STAM2: variants seen among roughly 807,000 people sequenced by gnomAD.
The protein encoded by STAM2 is signal transducing adapter molecule 2.
STAM2 carries 51 observed loss-of-function variants against 65.6 expected under a neutral mutation model. The observed-to-expected ratio is 0.78, with a 90% CI of 0.62 to 0.98. STAM2 has a LOEUF of 0.98. Among genes scored for constraint, STAM2 ranks in the 50% least tolerant of loss-of-function variants. The probability of loss-of-function intolerance (pLI) is 0.00; values close to 1 mark genes in which losing one functional copy is unlikely to be tolerated. For missense variants in STAM2, 584 were observed against 617.8 expected (o/e 0.95, Z 0.58); for synonymous variants, 198 against 208.4 (o/e 0.95, Z 0.43).
intron 5 of STAM2, among the ~76,000 whole-genome samples, chr2:152,145,933 T>C (rs1049097195): frequency 6.6e-6 from 1 of 152,142 alleles, no homozygotes; most frequent in Non-Finnish European, 1.5e-5. Context: ...AAGACTCTTA[T>C]CTCAAAACGT....
intron 1 of STAM2, among the ~76,000 whole-genome samples, chr2:152,173,406 A>ATATATGTATACATATATATATATT (rs1560227709): frequency 6.9e-6 from 1 of 145,224 alleles, no homozygotes; most frequent in African/African-American, 2.5e-5. Context: ...ATATATATAT[A>ATATATGTATACATATATATATATT]TTTTTTTTCG....
At chr2:152,121,831 T>A (rs1688858307) in intron 13 of STAM2, among the ~76,000 whole-genome samples, 1 of 151,778 alleles carries the variant, frequency 6.6e-6, no homozygotes, top group Non-Finnish European at 1.5e-5. Flanking sequence ...GATCACGAGG[T>A]CAGGAGATCG....
At chr2:152,124,537 T>C (rs905405689) in intron 12 of STAM2, 1 of 152,300 alleles carries the variant, frequency 6.6e-6, no homozygotes, top group Admixed American at 6.5e-5. Context: ...TTAGGTCTCT[T>C]TGGACATTTA....
intron 4 of STAM2, 79 bp downstream of exon 4, chr2:152,147,945 G>C (rs1320412397): frequency 1.1e-5 from 11 of 1,018,694 alleles, no homozygotes; most frequent in Non-Finnish European, 1.6e-5. Context: ...TAATACTTTA[G>C]TAATGCCACA....
intron 4 of STAM2, among the ~76,000 whole-genome samples, chr2:152,147,758 A>G (rs116112896): frequency 0.016 from 2,422 of 152,288 alleles, 83 homozygotes; most frequent in African/African-American, 0.055. Context: ...AGAGCATTCA[A>G]CAAGACAGTA....
At chr2:152,128,360 C>T (rs1689000120) in intron 11 of STAM2, among the ~76,000 whole-genome samples, 1 of 151,900 alleles carries the variant, frequency 6.6e-6, no homozygotes, top group Non-Finnish European at 1.5e-5. Flanking sequence ...TTACAGTGAG[C>T]CGAGATTGCA....
At chr2:152,173,333 T>A (rs1651289336) in intron 1 of STAM2, among the ~76,000 whole-genome samples, 1 of 128,106 alleles carries the variant, frequency 7.8e-6, no homozygotes, top group South Asian at 2.5e-4. Context: ...GCTTTGTGTA[T>A]GCGTGTGTGT....
rs777367213 is a variant in STAM2 at position 152,148,077 on chromosome 2, C to G, written c.247G>C (p.Glu83Gln). Residue 83 changes from glutamate (E) to glutamine (Q), a missense_variant, in exon 4 of 14, where the codon GAA becomes CAA. By Grantham distance (29) the Glu-to-Gln change is conservative (BLOSUM62 2). Transcript: ENST00000263904. The part of the protein sequence containing the change: ...VANCGKIFHL[E>Q]VCSRDFATEV... ...GTTGCAAAATCACGGGAACATACTT[C>G]TAAATGAAATATCTTTCCACAGTTT... The G allele has an allele frequency of 1.9e-6, 3 of 1,611,014 alleles. No homozygotes were observed. Among genetic ancestry groups the G allele is most frequent in the South Asian group, 2.2e-5 (2 of 90,252 alleles).
intron 8 of STAM2, among the ~76,000 whole-genome samples, chr2:152,134,564 T>C (rs563971289): frequency 5.5e-4 from 84 of 152,294 alleles, no homozygotes; most frequent in African/African-American, 1.4e-3. Context: ...TGAAGTTCTT[T>C]CTCCTGAACT....
At position 152,119,663 on chromosome 2, in the gene STAM2, A is replaced by AT. The variant is rs1300760863; in HGVS notation, c.*910dup. ...TTGCAGGAAGAAAAACAAATGGACC[A>AT]TATCTTCATTAGAGAATAGCCAAAA... On this transcript the variant is annotated 3_prime_UTR_variant, in exon 14 of 14. Coordinates refer to ENST00000263904, the MANE Select transcript of STAM2 (RefSeq NM_005843.6). The AT allele has an allele frequency of 6.6e-6, 1 of 152,240 alleles. No homozygotes were observed. Among genetic ancestry groups the AT allele is most frequent in the Non-Finnish European group, 1.5e-5 (1 of 68,032 alleles). 9.4% of individuals were successfully genotyped at this position (152,240 alleles called of 1,614,324 possible). A position where few individuals can be genotyped will look rare whatever the true frequency, so the allele number is the denominator to read the frequency against.
At chr2:152,158,841 T>C (rs1485132607) in intron 1 of STAM2, among the ~76,000 whole-genome samples, 1 of 151,952 alleles carries the variant, frequency 6.6e-6, no homozygotes, top group Non-Finnish European at 1.5e-5. Context: ...TAAGCCCTTT[T>C]TATTGCAGCA....
At chr2:152,161,494 TAA>T (rs10714838) in intron 1 of STAM2, among the ~76,000 whole-genome samples, 9,437 of 103,650 alleles carry the variant, frequency 0.091, 720 homozygotes, top group African/African-American at 0.26. Flanking sequence ...GAATGATCAA[TAA>T]AAAAAAAAAA....
chr2:152,171,420 T>G (rs926771349), intron 1 of STAM2, among the ~76,000 whole-genome samples: 2 of 90,814 alleles, frequency 2.2e-5, no homozygotes, highest in African/African-American at 7.2e-5. Context: ...TTAAAAAAAT[T>G]TTTACTTTTA....
intron 5 of STAM2, among the ~76,000 whole-genome samples, chr2:152,145,573 G>A (rs1030298459): frequency 6.6e-6 from 1 of 152,144 alleles, no homozygotes; most frequent in African/African-American, 2.4e-5. Flanking sequence ...TTGTATTCCC[G>A]ATCTCAATTG....
At chr2:152,159,927 C>T (rs1052472009) in intron 1 of STAM2, among the ~76,000 whole-genome samples, 1 of 152,240 alleles carries the variant, frequency 6.6e-6, no homozygotes, top group East Asian at 1.9e-4. Context: ...GACGGGGTTT[C>T]GCTGTGTTGG....
intron 1 of STAM2, among the ~76,000 whole-genome samples, chr2:152,173,445 G>T (rs1689940580): frequency 7.2e-6 from 1 of 138,458 alleles, no homozygotes; most frequent in South Asian, 2.3e-4. Flanking sequence ...TCGCCAGGCT[G>T]GAGGGCAGTG....
chr2:152,159,375 T>C (rs978705860), intron 1 of STAM2, among the ~76,000 whole-genome samples: 4 of 151,416 alleles, frequency 2.6e-5, no homozygotes, highest in Non-Finnish European at 5.9e-5. Context: ...AACAAGTAAA[T>C]GAGTAGAATT....
intron 1 of STAM2, among the ~76,000 whole-genome samples, chr2:152,163,787 T>C (rs1689728050): frequency 6.6e-6 from 1 of 152,176 alleles, no homozygotes; most frequent in African/African-American, 2.4e-5. Context: ...GTGTGTGTCT[T>C]ATGCGGTTGA....
chr2:152,139,510 C>G (rs1406514504), intron 7 of STAM2, among the ~76,000 whole-genome samples: 1 of 152,156 alleles, frequency 6.6e-6, no homozygotes, highest in Non-Finnish European at 1.5e-5. Flanking sequence ...GTGCTATGCT[C>G]ACGCCTGTGA....
Sources: allele counts gnomAD v4.1 joint callset (sites outside exome capture counted in the v4.1 genomes callset), GRCh38; gene constraint gnomAD v4.1.1; transcripts MANE v1.5; gene names NCBI Gene and HGNC (gene_info 2026-07-23, HGNC 2026-07-21).